Variants in MBD5 observed in about 807,000 individuals in gnomAD.
MBD5 encodes the protein methyl-CpG-binding domain protein 5.
In MBD5, 13 loss-of-function variants were observed where a neutral mutation model predicts 117.3. The ratio of observed to expected loss-of-function variants is 0.11; its 90% CI spans 0.07 to 0.18. The LOEUF (loss-of-function observed/expected upper bound fraction) is 0.18, where lower values mean the gene tolerates loss of function less well. Among genes scored for constraint, MBD5 ranks in the 10% least tolerant of loss-of-function variants. The pLI is 1.00. For missense variants in MBD5, 1,879 were observed against 2,093.8 expected (o/e 0.90, Z 2.00); for synonymous variants, 727 against 766.4 (o/e 0.95, Z 0.85).
At chr2:148,349,688 G>T (rs1055773579) in intron 4 of MBD5, among the ~76,000 whole-genome samples, 3 of 151,882 alleles carry the variant, frequency 2.0e-5, no homozygotes, top group Admixed American at 6.6e-5. Context: ...TCATAATTTT[G>T]CATGTTTAGA....
At chr2:148,376,738 T>C (rs1028291944) in intron 4 of MBD5, among the ~76,000 whole-genome samples, 6 of 139,602 alleles carry the variant, frequency 4.3e-5, no homozygotes, top group African/African-American at 1.6e-4. Flanking sequence ...TATAATTATA[T>C]TATATATTAT....
intron 7 of MBD5, among the ~76,000 whole-genome samples, chr2:148,467,184 G>T (rs960337001): frequency 6.6e-6 from 1 of 152,056 alleles, no homozygotes; most frequent in African/African-American, 2.4e-5. Context: ...CCACCAATTG[G>T]TGGGAATTGG....
rs374449140 is a variant in MBD5, at chr2:148,381,475, C to T, written c.-557+39139C>T. ...GGACAATGTGAAAAGACCAAATCTA[C>T]GTCTAATTGGTGTACCTGAAAGTGA... On this transcript the variant is annotated intron_variant, in intron 4 of 13. Transcript: ENST00000642680. Among the ~76,000 whole-genome samples, 12 of 152,286 alleles carry T rather than the reference C, an allele frequency of 7.9e-5. No individual in the cohort carries two copies. The South Asian group carries it at 1.9e-3, about 24-fold the overall frequency.
chr2:148,440,473 A>T (rs1706285318), intron 4 of MBD5, among the ~76,000 whole-genome samples: 1 of 152,180 alleles, frequency 6.6e-6, no homozygotes, highest in Non-Finnish European at 1.5e-5. Flanking sequence ...CTCAGTTTTG[A>T]TTGAATACAT....
intron 3 of MBD5, among the ~76,000 whole-genome samples, chr2:148,276,996 G>A (rs1701129270): frequency 6.6e-6 from 1 of 152,078 alleles, no homozygotes; most frequent in Admixed American, 6.6e-5. Flanking sequence ...CTCAGTTGTG[G>A]TACTTTTGGC....
intron 1 of MBD5, among the ~76,000 whole-genome samples, chr2:148,030,201 G>T (rs910072151): frequency 6.6e-6 from 1 of 151,930 alleles, no homozygotes; most frequent in Non-Finnish European, 1.5e-5. Flanking sequence ...AACTCAGGAG[G>T]CAGAGGTTGC....
chr2:148,269,138 T>G (rs1240791622), intron 3 of MBD5, among the ~76,000 whole-genome samples: 1 of 152,066 alleles, frequency 6.6e-6, no homozygotes, highest in Non-Finnish European at 1.5e-5. Flanking sequence ...GTTGTATTTG[T>G]CTTTAAAAGG....
At chr2:148,022,358 T>C (rs1279254251) in intron 1 of MBD5, among the ~76,000 whole-genome samples, 1 of 152,230 alleles carries the variant, frequency 6.6e-6, no homozygotes, top group East Asian at 1.9e-4. Context: ...TGGTTAAATG[T>C]CTGTTTCATA....
chr2:148,303,031 T>A (rs976987237), intron 3 of MBD5, among the ~76,000 whole-genome samples: 1 of 151,066 alleles, frequency 6.6e-6, no homozygotes, highest in Non-Finnish European at 1.5e-5. Flanking sequence ...AATTTGAAGA[T>A]GTTATTTATA....
intron 4 of MBD5, among the ~76,000 whole-genome samples, chr2:148,413,908 TA>T (rs200280301): frequency 0.26 from 35,759 of 138,428 alleles, 5,018 homozygotes; most frequent in African/African-American, 0.4. Context: ...ACTTATTTTC[TA>T]AAAAAAAAAA....
chr2:148,435,343 C>T (rs1402358084), intron 4 of MBD5, among the ~76,000 whole-genome samples: 2 of 152,056 alleles, frequency 1.3e-5, no homozygotes, highest in Non-Finnish European at 1.5e-5. Context: ...TGTGTGGTTG[C>T]TTTATAGTGT....
chr2:148,384,963 A>G (rs1277735201), intron 4 of MBD5, among the ~76,000 whole-genome samples: 1 of 152,214 alleles, frequency 6.6e-6, no homozygotes, highest in Non-Finnish European at 1.5e-5. Flanking sequence ...AAATTAATTC[A>G]AGATGGATTA....
chr2:148,391,594 T>C (rs1162138255), intron 4 of MBD5, among the ~76,000 whole-genome samples: 2 of 152,168 alleles, frequency 1.3e-5, no homozygotes, highest in African/African-American at 4.8e-5. Flanking sequence ...AAACAAGGAA[T>C]GGGTTTCTTA....
chr2:148,035,160 G>GA (rs537439671), intron 1 of MBD5, among the ~76,000 whole-genome samples: 24 of 151,026 alleles, frequency 1.6e-4, no homozygotes, highest in Non-Finnish European at 2.7e-4. Flanking sequence ...CATAGTAGAT[G>GA]AAAAAAAATG....
intron 3 of MBD5, among the ~76,000 whole-genome samples, chr2:148,322,887 C>T (rs1269615902): frequency 6.6e-6 from 1 of 151,594 alleles, no homozygotes; most frequent in African/African-American, 2.4e-5. Context: ...GGTACATGTG[C>T]ACAATGTGCA....
chr2:148,260,485 G>C (rs1391201928), intron 3 of MBD5: 1 of 153,158 alleles, frequency 6.5e-6, no homozygotes, highest in Non-Finnish European at 1.5e-5. Context: ...AGTCATCCAT[G>C]AGGGTTGGAA....
Position 148,032,387 on chromosome 2 carries a change from C to T in MBD5, c.-925+10703C>T, listed in dbSNP as rs1162951854. Among the ~76,000 whole-genome samples, 5 of 151,944 alleles carry T rather than the reference C, an allele frequency of 3.3e-5. 1 individual carries two copies. Among genetic ancestry groups the T allele is most frequent in the Admixed American group, 2.6e-4 (4 of 15,248 alleles). ...TTTTAGAAGGAGAATTTACTCAGTG[C>T]GATCAAGAGGAATTTTTTTTTGGAG... On this transcript the variant is annotated intron_variant, in intron 1 of 13. Coordinates refer to ENST00000642680, the MANE Select transcript of MBD5 (RefSeq NM_001378120.1).
chr2:148,282,112 A>G (rs773328167), intron 3 of MBD5, among the ~76,000 whole-genome samples: 1 of 152,074 alleles, frequency 6.6e-6, no homozygotes, highest in Non-Finnish European at 1.5e-5. Context: ...TTTCAATAAT[A>G]TATCTTATAC....
chr2:148,390,908 A>G (rs547667545), intron 4 of MBD5, among the ~76,000 whole-genome samples: 1 of 152,280 alleles, frequency 6.6e-6, no homozygotes, highest in East Asian at 1.9e-4. Flanking sequence ...TATACATCCT[A>G]TGCACGTCCT....
Sources: gnomAD v4.1 joint callset for allele counts (sites outside exome capture counted in the v4.1 genomes callset) on GRCh38, gnomAD v4.1.1 for gene constraint, MANE v1.5 for transcripts, NCBI Gene and HGNC (gene_info 2026-07-23, HGNC 2026-07-21) for gene names.